Variants in MSRA observed in about 807,000 individuals in gnomAD.
MSRA encodes the protein mitochondrial peptide methionine sulfoxide reductase.
Under a neutral mutation model 31.3 loss-of-function variants are expected in MSRA, and 54 were observed. That is an observed-to-expected ratio of 1.73 (90% CI 1.39 to 2.17). The LOEUF is 2.17. Among genes scored for constraint, MSRA ranks in the 30% most tolerant of loss-of-function variants. MSRA has a pLI of 0.00. For missense variants in MSRA, 507 were observed against 300.9 expected, an observed-to-expected ratio of 1.69 and a Z score of -5.07; for synonymous variants, 169 against 116.5, an observed-to-expected ratio of 1.45 and a Z score of -2.90.
chr8:10,188,821 A>G (rs1807277432), intron 1 of MSRA, among the ~76,000 whole-genome samples: 1 of 152,212 alleles, frequency 6.6e-6, no homozygotes, highest in African/African-American at 2.4e-5. Flanking sequence ...AAGTATTCCA[A>G]CTGATAGTTC....
chr8:10,103,761 T>C (rs910574354), intron 1 of MSRA, among the ~76,000 whole-genome samples: 1 of 151,862 alleles, frequency 6.6e-6, no homozygotes, highest in Non-Finnish European at 1.5e-5. Flanking sequence ...TTCAAATAGA[T>C]AGCAAAGTAT....
At chr8:10,169,293 G>A (rs2129045637) in intron 1 of MSRA, among the ~76,000 whole-genome samples, 1 of 152,308 alleles carries the variant, frequency 6.6e-6, no homozygotes, top group Non-Finnish European at 1.5e-5. Flanking sequence ...TCTTCATGAA[G>A]AAAGCACAAT....
At chr8:10,276,495 A>G (rs574363446) in intron 3 of MSRA, among the ~76,000 whole-genome samples, 11 of 152,346 alleles carry the variant, frequency 7.2e-5, no homozygotes, top group Non-Finnish European at 1.3e-4. Flanking sequence ...TCAATGGAGC[A>G]GTCTGCCCAT....
intron 4 of MSRA, among the ~76,000 whole-genome samples, chr8:10,309,347 T>G (rs1227607002): frequency 6.6e-6 from 1 of 152,266 alleles, no homozygotes; most frequent in Non-Finnish European, 1.5e-5. Flanking sequence ...TGGCGCCTGG[T>G]GCGGAATAAG....
At chr8:10,369,960 C>T (rs1805386616) in intron 5 of MSRA, among the ~76,000 whole-genome samples, 1 of 152,216 alleles carries the variant, frequency 6.6e-6, no homozygotes, top group Non-Finnish European at 1.5e-5. Context: ...AAGGTTCTAA[C>T]ATCAAATCCT....
At chr8:10,066,339 C>T (rs961441500) in intron 1 of MSRA, among the ~76,000 whole-genome samples, 1 of 152,302 alleles carries the variant, frequency 6.6e-6, no homozygotes, top group African/African-American at 2.4e-5. Flanking sequence ...TCATTTTTAT[C>T]CTTTTTCCAA....
chr8:10,098,576 G>A (rs986633562), intron 1 of MSRA, among the ~76,000 whole-genome samples: 6 of 152,126 alleles, frequency 3.9e-5, no homozygotes, highest in African/African-American at 1.2e-4. Flanking sequence ...TAAACGCCTA[G>A]ATAGAAAAAG....
chr8:10,368,845 C>T (rs3088186), intron 5 of MSRA, among the ~76,000 whole-genome samples: 39,933 of 151,980 alleles, frequency 0.26, 5,608 homozygotes, highest in Admixed American at 0.32. Context: ...GCCTGGGAGA[C>T]GGGTCAGTAA....
chr8:10,079,280 T>A (rs895033998), intron 1 of MSRA, among the ~76,000 whole-genome samples: 3 of 152,160 alleles, frequency 2.0e-5, no homozygotes, highest in Admixed American at 2.0e-4. Flanking sequence ...CATCTCAGCC[T>A]CCCACATAGC....
At chr8:10,309,326 C>T (rs544332298) in intron 4 of MSRA, among the ~76,000 whole-genome samples, 14 of 152,376 alleles carry the variant, frequency 9.2e-5, no homozygotes, top group South Asian at 8.3e-4. Context: ...CGGAGCCTGC[C>T]GTGCAGAGCG....
At chr8:10,397,938 C>G (rs1807202722) in intron 5 of MSRA, among the ~76,000 whole-genome samples, 1 of 152,186 alleles carries the variant, frequency 6.6e-6, no homozygotes, top group Non-Finnish European at 1.5e-5. Flanking sequence ...CCTCTTCCCT[C>G]TCTTGTTAAT....
At chr8:10,363,232 C>T (rs1456627302) in intron 5 of MSRA, among the ~76,000 whole-genome samples, 2 of 152,194 alleles carry the variant, frequency 1.3e-5, no homozygotes, top group Admixed American at 6.5e-5. Flanking sequence ...GATCCAGCTC[C>T]TTCTCAGGCC....
At chr8:10,133,443 C>T (rs915233043) in intron 1 of MSRA, among the ~76,000 whole-genome samples, 1 of 152,186 alleles carries the variant, frequency 6.6e-6, no homozygotes, top group Non-Finnish European at 1.5e-5. Flanking sequence ...AAGGACCAGG[C>T]CGTGGGCACA....
At chr8:10,172,629 C>T (rs1805691880) in intron 1 of MSRA, among the ~76,000 whole-genome samples, 1 of 152,114 alleles carries the variant, frequency 6.6e-6, no homozygotes, top group Middle Eastern at 3.2e-3. Flanking sequence ...AAAGAAATGG[C>T]TCCACTTGAT....
At chr8:10,188,654 G>T (rs918020333) in intron 1 of MSRA, among the ~76,000 whole-genome samples, 66 of 152,290 alleles carry the variant, frequency 4.3e-4, no homozygotes, top group Admixed American at 1.4e-3. Flanking sequence ...ACCATTTGCT[G>T]AAAAGACTGT....
intron 5 of MSRA, among the ~76,000 whole-genome samples, chr8:10,392,449 C>T (rs1482749838): frequency 6.6e-6 from 1 of 152,138 alleles, no homozygotes; most frequent in Non-Finnish European, 1.5e-5. Context: ...GTGCAGCCCT[C>T]TCCCTATGGG....
chr8:10,362,812 C>T (rs536812211), intron 5 of MSRA, among the ~76,000 whole-genome samples: 35 of 152,028 alleles, frequency 2.3e-4, no homozygotes, highest in Non-Finnish European at 3.5e-4. Context: ...GGTTTTCAAA[C>T]GCAACTGCCC....
intron 4 of MSRA, among the ~76,000 whole-genome samples, chr8:10,313,521 G>C (rs1318736454): frequency 1.3e-5 from 2 of 151,742 alleles, no homozygotes; most frequent in Admixed American, 6.6e-5. Context: ...CATTGGCTTA[G>C]TAGTTAGGCA....
At chr8:10,278,286 C>G (rs761636024) in intron 3 of MSRA, among the ~76,000 whole-genome samples, 23 of 152,154 alleles carry the variant, frequency 1.5e-4, no homozygotes, top group Non-Finnish European at 2.9e-5. Context: ...CTTTACAACA[C>G]AAGAGGCAGC....
Sources: allele counts gnomAD v4.1 joint callset (sites outside exome capture counted in the v4.1 genomes callset), GRCh38; gene constraint gnomAD v4.1.1; transcripts MANE v1.5; gene names NCBI Gene and HGNC (gene_info 2026-07-23, HGNC 2026-07-21).